ME2: variants seen among roughly 807,000 people sequenced by gnomAD.
ME2 encodes NAD-dependent malic enzyme, mitochondrial.
In ME2, 60 loss-of-function variants were observed where a neutral mutation model predicts 73.7. That is an observed-to-expected ratio of 0.81 (90% CI 0.66 to 1.01). The LOEUF is 1.01. ME2 is among the 50% of genes least tolerant of loss of function. The pLI is 0.00. For synonymous variants in ME2, 199 were observed against 236.9 expected (o/e 0.84, Z 1.47); for missense variants, 594 against 705.5 (o/e 0.84, Z 1.79).
At position 50,953,664 on chromosome 18, in the gene ME2, T is replaced by G. The variant is rs1379503134; in HGVS notation, c.*6480T>G. The G allele has an allele frequency of 1.3e-5, 2 of 152,218 alleles. No individual in the cohort carries two copies. Among genetic ancestry groups the G allele is most frequent in the African/African-American group, 4.8e-5 (2 of 41,448 alleles). The allele number at this position is 152,218 out of a possible 1,614,324, so 9.4% of individuals were successfully genotyped here. ...TCAGTTGTGCTTATATATTATAATA[T>G]TCACTTTAGGAATCCACCTGTCAAT... On this transcript the variant is annotated 3_prime_UTR_variant, in exon 16 of 16. Coordinates refer to ENST00000321341, the MANE Select transcript of ME2 (RefSeq NM_002396.5).
At position 50,939,615 on chromosome 18, in the gene ME2, A is replaced by G. The variant is rs773238484; in HGVS notation, c.1463A>G (p.Asp488Gly). Residue 488 changes from aspartate to glycine, a missense_variant, in exon 14 of 16, where the codon GAC becomes GGC. Asp to Gly is a moderately conservative substitution (Grantham distance 94). Coordinates refer to ENST00000321341, the MANE Select transcript of ME2 (RefSeq NM_002396.5). ...VILCNTRHIS[D>G]SVFLEAAKAL... Reference sequence around the variant, plus strand: ...CTCTGTAACACCCGGCATATTAGTGACAGTGTTTTCCTAGAAGCTGCAAAG... The same window carrying G: ...CTCTGTAACACCCGGCATATTAGTGGCAGTGTTTTCCTAGAAGCTGCAAAG... The G allele has an allele frequency of 6.2e-7, 1 of 1,612,120 alleles. No individual in the cohort carries two copies. Among genetic ancestry groups the G allele is most frequent in the Non-Finnish European group, 8.5e-7 (1 of 1,178,352 alleles).
chr18:50,930,950 A>G (rs1484487457), intron 12 of ME2, among the ~76,000 whole-genome samples: 3 of 152,208 alleles, frequency 2.0e-5, no homozygotes, highest in Non-Finnish European at 4.4e-5. Flanking sequence ...GCTCTGCCCT[A>G]CTAGCATAGT....
intron 10 of ME2, among the ~76,000 whole-genome samples, chr18:50,922,792 A>C (rs1356360132): frequency 6.6e-6 from 1 of 152,158 alleles, no homozygotes; most frequent in Non-Finnish European, 1.5e-5. Context: ...TTCATTTTGA[A>C]ACTTTGAAAA....
chr18:50,912,751 T>C (rs1954528144), intron 3 of ME2, 50 bp from the exon 4 acceptor site: 1 of 1,380,090 alleles, frequency 7.2e-7, no homozygotes, highest in East Asian at 2.6e-5. Flanking sequence ...GCCAAGACTT[T>C]TAATGTAATG....
At chr18:50,925,938 C>T (rs750897239) in intron 12 of ME2, 40 bp downstream of exon 12, 3 of 1,390,320 alleles carry the variant, frequency 2.2e-6, no homozygotes, top group Admixed American at 3.4e-5. Flanking sequence ...TATTATTTTC[C>T]CTCCACTAGC....
chr18:50,946,310 G>T (rs1487501533), intron 15 of ME2, among the ~76,000 whole-genome samples: 1 of 152,088 alleles, frequency 6.6e-6, no homozygotes, highest in Non-Finnish European at 1.5e-5. Context: ...GCCACCTTTG[G>T]TGGGGAGTAG....
chr18:50,944,246 A>G (rs1281736355), intron 15 of ME2, among the ~76,000 whole-genome samples: 3 of 152,158 alleles, frequency 2.0e-5, no homozygotes, highest in African/African-American at 4.8e-5. Context: ...AATAATTGGT[A>G]TATCCAAATG....
chr18:50,885,804 C>T (rs1916448170), intron 1 of ME2, among the ~76,000 whole-genome samples: 1 of 151,848 alleles, frequency 6.6e-6, no homozygotes. Flanking sequence ...GTACTTTCTG[C>T]AGTATAATAA....
chr18:50,942,179 T>C (rs188277373), intron 15 of ME2, among the ~76,000 whole-genome samples: 187 of 152,318 alleles, frequency 1.2e-3, no homozygotes, highest in Middle Eastern at 3.4e-3. Flanking sequence ...TTTATTTTAA[T>C]GTATGATATG....
chr18:50,912,332 C>A (rs1020509710), intron 3 of ME2, among the ~76,000 whole-genome samples: 6 of 152,140 alleles, frequency 3.9e-5, no homozygotes, highest in African/African-American at 1.4e-4. Flanking sequence ...TTCTAACGCT[C>A]CTGGGTTATA....
At position 50,895,992 on chromosome 18, in the gene ME2, C is replaced by A; in HGVS notation, c.108+64C>A. The A allele has an allele frequency of 5.4e-6, 6 of 1,115,090 alleles. No homozygotes were observed. In the South Asian group the frequency reaches 6.5e-5, roughly 12 times the overall value. 69.1% of individuals were successfully genotyped at this position (1,115,090 alleles called of 1,614,324 possible). A position where few individuals can be genotyped will look rare whatever the true frequency, so the allele number is the denominator to read the frequency against. ...TTATTAAAGTTTGATATATTTAAGA[C>A]TGATAAGGTGTGACATATTTTTGTA... On this transcript the variant is annotated intron_variant, in intron 2 of 15. Transcript: ENST00000321341.
rs1254526373 is a variant in ME2 at position 50,948,868 on chromosome 18, CAG to C, written c.*1687_*1688del. On this transcript the variant is annotated 3_prime_UTR_variant, in exon 16 of 16. Coordinates refer to ENST00000321341, the MANE Select transcript of ME2 (RefSeq NM_002396.5). Reference sequence around the variant, plus strand: ...ATTTTTTTTTTTTTTTTTTTTGAGACAGAGTCTCGCTTTTGTCGCCCAGTCTG... The same window carrying C: ...ATTTTTTTTTTTTTTTTTTTTGAGACAGTCTCGCTTTTGTCGCCCAGTCTG... 1.9e-5 allele frequency: 2 copies of C among 105,476 alleles called. No individual in the cohort carries two copies. Among genetic ancestry groups the C allele is most frequent in the African/African-American group, 3.7e-5 (1 of 26,826 alleles). The allele number at this position is 105,476 out of a possible 1,614,324, so 6.5% of individuals were successfully genotyped here.
At chr18:50,924,933 C>T (rs565823186) in intron 11 of ME2, among the ~76,000 whole-genome samples, 2 of 151,586 alleles carry the variant, frequency 1.3e-5, no homozygotes, top group African/African-American at 2.4e-5. Context: ...CCACCTGCCT[C>T]GGCGGGTGAG....
chr18:50,917,064 A>G (rs1008678610), intron 5 of ME2: 2 of 233,190 alleles, frequency 8.6e-6, no homozygotes, highest in Admixed American at 5.1e-5. Flanking sequence ...TCTCTGCCAT[A>G]TTTAATCTTT....
intron 7 of ME2, among the ~76,000 whole-genome samples, chr18:50,918,713 T>C (rs1324316278): frequency 6.6e-6 from 1 of 151,792 alleles, no homozygotes; most frequent in East Asian, 1.9e-4. Context: ...TTTTTTTTTT[T>C]TTTTGTCATC....
chr18:50,881,005 T>C (rs1360422005), intron 1 of ME2, among the ~76,000 whole-genome samples: 1 of 152,166 alleles, frequency 6.6e-6, no homozygotes, highest in East Asian at 1.9e-4. Context: ...CTAATTGATT[T>C]TGGTGAATTT....
At chr18:50,926,502 A>G (rs1249603187) in intron 12 of ME2, among the ~76,000 whole-genome samples, 1 of 152,152 alleles carries the variant, frequency 6.6e-6, no homozygotes, top group Non-Finnish European at 1.5e-5. Flanking sequence ...TATTTATTCC[A>G]CATGGGGATT....
rs559851438 is a variant in ME2, at chr18:50,953,504, G to A, written c.*6320G>A. ...TTAGTCTTCAGCATTTTAAGTATTC[G>A]ACACGAACATTAAAGATTTGGTGTT... On this transcript the variant is annotated 3_prime_UTR_variant, in exon 16 of 16. Transcript: ENST00000321341. 9.9e-5 allele frequency: 15 copies of A among 152,144 alleles called. No homozygotes were observed. Among genetic ancestry groups the A allele is most frequent in the Admixed American group, 9.2e-4 (14 of 15,288 alleles). The allele number at this position is 152,144 out of a possible 1,614,324, so 9.4% of individuals were successfully genotyped here.
At chr18:50,941,712 C>T (rs1283372432) in intron 15 of ME2, among the ~76,000 whole-genome samples, 3 of 148,364 alleles carry the variant, frequency 2.0e-5, no homozygotes, top group Admixed American at 1.3e-4. Flanking sequence ...AAATTCTAAG[C>T]TTAAGAACAA....
Sources: allele counts gnomAD v4.1 joint callset (sites outside exome capture counted in the v4.1 genomes callset), GRCh38; gene constraint gnomAD v4.1.1; transcripts MANE v1.5; gene names NCBI Gene and HGNC (gene_info 2026-07-23, HGNC 2026-07-21).